Variants in MBP observed in about 807,000 individuals in gnomAD.
MBP encodes myelin basic protein, also known as Golli-MBP.
A neutral mutation model predicts 35.8 loss-of-function variants in MBP; 16 were observed. The observed-to-expected ratio is 0.45, with a 90% CI of 0.30 to 0.68. MBP has a LOEUF of 0.68. MBP is among the 30% of genes least tolerant of loss of function. The pLI, the probability that MBP is intolerant of heterozygous loss-of-function variation, is 0.08. For missense variants in MBP, 380 were observed against 404.7 expected (o/e 0.94, Z 0.52); for synonymous variants, 143 against 159.6 (o/e 0.90, Z 0.78).
intron 3 of MBP, among the ~76,000 whole-genome samples, chr18:77,033,848 A>G (rs1374387011): frequency 1.3e-5 from 2 of 151,714 alleles, no homozygotes; most frequent in Non-Finnish European, 2.9e-5. Flanking sequence ...CCATCCATCC[A>G]TCCATCCACA....
intron 2 of MBP, among the ~76,000 whole-genome samples, chr18:77,069,585 C>T (rs901846646): frequency 3.3e-5 from 5 of 152,168 alleles, no homozygotes; most frequent in African/African-American, 1.2e-4. Context: ...AACAATGCCG[C>T]ATCTTAGAAA....
At chr18:77,105,021 A>G (rs1976208561) in intron 2 of MBP, among the ~76,000 whole-genome samples, 190 bp downstream of exon 2, 1 of 146,306 alleles carries the variant, frequency 6.8e-6, no homozygotes, top group Non-Finnish European at 1.5e-5. Context: ...GAATAAATTA[A>G]TAATTAATAA....
intron 3 of MBP, among the ~76,000 whole-genome samples, chr18:77,039,851 G>A (rs1266544359): frequency 6.6e-6 from 1 of 152,180 alleles, no homozygotes; most frequent in African/African-American, 2.4e-5. Context: ...TGGATGCCCA[G>A]CCCCTGTCCG....
At chr18:76,998,319 CG>C in intron 4 of MBP, among the ~76,000 whole-genome samples, 1 of 96,466 alleles carries the variant, frequency 1.0e-5, no homozygotes, top group Middle Eastern at 5.0e-3. Flanking sequence ...CCCCGTGCTG[CG>C]GCCCCCGTCA....
intron 3 of MBP, among the ~76,000 whole-genome samples, chr18:77,038,404 G>A (rs1250165686): frequency 6.6e-6 from 1 of 152,220 alleles, no homozygotes; most frequent in Non-Finnish European, 1.5e-5. Flanking sequence ...TAGAGTGTAT[G>A]TTACTAACCC....
At chr18:76,985,999 G>T in intron 7 of MBP, 2 of 985,608 alleles carry the variant, frequency 2.0e-6, no homozygotes, top group Non-Finnish European at 2.4e-6. Context: ...TTGCTACTGT[G>T]CTGTCTTCTC....
chr18:77,063,433 C>T (rs1974065851), intron 3 of MBP, among the ~76,000 whole-genome samples: 1 of 152,184 alleles, frequency 6.6e-6, no homozygotes. Flanking sequence ...ACCACAAGCT[C>T]CTCCCACTTC....
intron 3 of MBP, among the ~76,000 whole-genome samples, chr18:77,046,961 T>C (rs1266518375): frequency 1.3e-5 from 2 of 152,198 alleles, no homozygotes; most frequent in African/African-American, 4.8e-5. Flanking sequence ...CTCAGCTGCC[T>C]GCAAGCTCCA....
chr18:77,056,565 T>C (rs1474092882), intron 3 of MBP, among the ~76,000 whole-genome samples: 3 of 152,150 alleles, frequency 2.0e-5, no homozygotes, highest in Non-Finnish European at 4.4e-5. Flanking sequence ...CTGCAAACAT[T>C]GCTGGCCTGA....
intron 2 of MBP, among the ~76,000 whole-genome samples, chr18:77,084,960 GA>G (rs1364590601): frequency 0.019 from 13 of 678 alleles, no homozygotes; most frequent in Middle Eastern, 0.25. Flanking sequence ...GGGGAGGGGG[GA>G]GAGAGAGAGA....
chr18:77,068,722 C>G (rs1362931995), intron 2 of MBP, among the ~76,000 whole-genome samples: 3 of 152,184 alleles, frequency 2.0e-5, no homozygotes, highest in Non-Finnish European at 4.4e-5. Context: ...GAAACAGTTA[C>G]TAATAAGCAA....
At chr18:76,996,416 C>A (rs954244094) in intron 4 of MBP, among the ~76,000 whole-genome samples, 7 of 152,150 alleles carry the variant, frequency 4.6e-5, no homozygotes, top group Non-Finnish European at 7.4e-5. Context: ...ATAACCAGTA[C>A]ATGAATGTTC....
chr18:76,984,288 A>G (rs538468404), intron 8 of MBP: 11 of 160,518 alleles, frequency 6.9e-5, no homozygotes, highest in Non-Finnish European at 1.5e-4. Flanking sequence ...AGAGCTTATA[A>G]ACAGCGGGCC....
chr18:77,069,823 C>T (rs2144831548), intron 2 of MBP, among the ~76,000 whole-genome samples: 1 of 152,294 alleles, frequency 6.6e-6, no homozygotes, highest in Non-Finnish European at 1.5e-5. Flanking sequence ...TTATCCCTCA[C>T]ACCAAAGCGG....
At position 77,073,531 on chromosome 18, in the gene MBP, A is replaced by G. The variant is rs142350417; in HGVS notation, c.52-7146T>C. On this transcript the variant is annotated intron_variant, in intron 2 of 8. Coordinates refer to ENST00000355994, the MANE Select transcript of MBP (RefSeq NM_001025101.2). ...GCAGTGGGTTGAGTGGCAGGAGAGG[A>G]ATGCCCATCTAGGAAACCTGAATCC... Among the ~76,000 whole-genome samples the G allele has an allele frequency of 8.0e-3, 1,220 of 152,298 alleles. 15 individuals carry two copies. Among genetic ancestry groups the G allele is most frequent in the African/African-American group, 0.028 (1,163 of 41,556 alleles).
At chr18:77,067,414 C>T (rs942823725) in intron 2 of MBP, among the ~76,000 whole-genome samples, 8 of 152,206 alleles carry the variant, frequency 5.3e-5, no homozygotes, top group African/African-American at 1.4e-4. Flanking sequence ...CATGTCGGCA[C>T]GCACAGACTG....
chr18:77,091,776 A>G (rs1674721), intron 2 of MBP, among the ~76,000 whole-genome samples: 1 of 151,818 alleles, frequency 6.6e-6, no homozygotes, highest in East Asian at 1.9e-4. Flanking sequence ...CCACACACAC[A>G]CCACACACAC....
rs565283868 is a variant in MBP, at chr18:77,127,030, A to G, written c.-26+5550T>C. 5.9e-5 allele frequency among the ~76,000 whole-genome samples: 9 copies of G among 152,372 alleles called. No homozygotes were observed. In the South Asian group the frequency reaches 1.9e-3, roughly 32 times the overall value. On this transcript the variant is annotated intron_variant, in intron 1 of 8. Coordinates refer to ENST00000355994, the MANE Select transcript of MBP (RefSeq NM_001025101.2). ...AGGTTTTTGCACCCATAAACGCGCT[A>G]TTCTAAAATTCATATGGAAAGGCCC...
At chr18:77,066,705 T>C (rs1172534969) in intron 2 of MBP, 1 of 559,440 alleles carries the variant, frequency 1.8e-6, no homozygotes, top group African/African-American at 1.9e-5. Context: ...TGAGCCCACA[T>C]AGTTACTGCT....
Sources: gnomAD v4.1 joint callset for allele counts (sites outside exome capture counted in the v4.1 genomes callset) on GRCh38, gnomAD v4.1.1 for gene constraint, MANE v1.5 for transcripts, NCBI Gene and HGNC (gene_info 2026-07-23, HGNC 2026-07-21) for gene names.